The following KLHL1 variants were observed in gnomAD, a reference collection of about 807,000 sequenced individuals.
KLHL1 encodes the protein kelch like family member 1.
A neutral mutation model predicts 77.7 loss-of-function variants in KLHL1; 47 were observed. The ratio of observed to expected loss-of-function variants is 0.60; its 90% confidence interval spans 0.48 to 0.77. The LOEUF (loss-of-function observed/expected upper bound fraction) is 0.77. KLHL1 is among the 30% of genes least tolerant of loss of function. The pLI, the probability that KLHL1 is intolerant of heterozygous loss-of-function variation, is 0.00. For missense variants in KLHL1, 925 were observed against 910.8 expected (o/e 1.02, Z -0.20); for synonymous variants, 360 against 325.2 (o/e 1.11, Z -1.15).
At chr13:70,023,115 T>A (rs1885845199) in intron 1 of KLHL1, among the ~76,000 whole-genome samples, 1 of 151,960 alleles carries the variant, frequency 6.6e-6, no homozygotes, top group African/African-American at 2.4e-5. Flanking sequence ...TACCTTTCTT[T>A]ATGCTTTTCT....
chr13:69,701,705 A>T lies in KLHL1; in HGVS notation c.2244T>A (p.Pro748=). The T allele has an allele frequency of 6.2e-7, 1 of 1,605,858 alleles. No individual in the cohort carries two copies. Among genetic ancestry groups the T allele is most frequent in the Non-Finnish European group, 8.5e-7 (1 of 1,174,502 alleles). The change falls in exon 11 of 11, where the codon CCT becomes CCA. Residue 748 remains proline, a synonymous_variant. Transcript: ENST00000377844. The part of the protein sequence containing the change: ...AGACVVVIKQ[P] ...TTCCAAGTAAAATATCAATAAGTCA[A>T]GGTTGCTTGATGACTACCACACAGG... is the stretch of plus-strand genomic sequence containing the variant.
At chr13:70,016,321 G>T (rs1885656606) in intron 1 of KLHL1, among the ~76,000 whole-genome samples, 2 of 152,164 alleles carry the variant, frequency 1.3e-5, no homozygotes, top group African/African-American at 4.8e-5. Context: ...GAGTTAAAAG[G>T]GTGGGAATCC....
At chr13:70,031,507 A>AT (rs1886099506) in intron 1 of KLHL1, among the ~76,000 whole-genome samples, 1 of 152,148 alleles carries the variant, frequency 6.6e-6, no homozygotes, top group East Asian at 1.9e-4. Context: ...AGAGAAAAAT[A>AT]TTTTTTCTTC....
intron 1 of KLHL1, among the ~76,000 whole-genome samples, chr13:69,979,645 T>G (rs10507776): frequency 0.15 from 23,094 of 152,096 alleles, 3,737 homozygotes; most frequent in African/African-American, 0.41. Flanking sequence ...TTACAGTTTC[T>G]TTCCAATCGA....
intron 7 of KLHL1, among the ~76,000 whole-genome samples, chr13:69,780,749 T>TATATATATACATATATATATACAC (rs1566244195): frequency 2.9e-4 from 35 of 121,208 alleles, no homozygotes; most frequent in African/African-American, 1.1e-3. Context: ...TATATACATA[T>TATATATATACATATATATATACAC]ATATATATAC....
chr13:69,875,048 G>A (rs902495972), intron 5 of KLHL1, among the ~76,000 whole-genome samples: 2 of 151,952 alleles, frequency 1.3e-5, no homozygotes, highest in Admixed American at 1.3e-4. Context: ...TAGTGTCCTG[G>A]GGCACTGTAA....
chr13:69,999,647 AGACT>A (rs975725895), intron 1 of KLHL1, among the ~76,000 whole-genome samples: 1 of 152,032 alleles, frequency 6.6e-6, no homozygotes, highest in African/African-American at 2.4e-5. Context: ...GGAAACCAGG[AGACT>A]GACTGGGATG....
intron 9 of KLHL1, among the ~76,000 whole-genome samples, chr13:69,708,882 C>T (rs1875752168): frequency 6.6e-6 from 1 of 151,966 alleles, no homozygotes; most frequent in South Asian, 2.1e-4. Flanking sequence ...TGTTTTCCTG[C>T]TCCAATTTTT....
intron 1 of KLHL1, among the ~76,000 whole-genome samples, chr13:70,084,476 T>TTTTTTTTTTTTTTTA: frequency 6.8e-6 from 1 of 146,936 alleles, no homozygotes; most frequent in Non-Finnish European, 1.5e-5. Flanking sequence ...TTTTTTTTTT[T>TTTTTTTTTTTTTTTA]TGAGACGGAG....
rs1402050347 is a variant in KLHL1, at chr13:69,788,113, G to C, written c.1639+8625C>G. Among the ~76,000 whole-genome samples, 10 of 152,328 alleles carry C rather than the reference G, an allele frequency of 6.6e-5. No individual in the cohort carries two copies. The South Asian group carries it at 2.1e-3, about 32-fold the overall frequency. Reference sequence around the variant, plus strand: ...TGGAAGACAGTGTGGCGATTCCTCAGGGATCTAGAACTAGAAATACCATTT... The same window carrying C: ...TGGAAGACAGTGTGGCGATTCCTCACGGATCTAGAACTAGAAATACCATTT... On this transcript the variant is annotated intron_variant, in intron 7 of 10. Transcript: ENST00000377844.
At chr13:69,892,594 C>T (rs575117030) in intron 4 of KLHL1, among the ~76,000 whole-genome samples, 2 of 151,236 alleles carry the variant, frequency 1.3e-5, no homozygotes, top group South Asian at 4.2e-4. Flanking sequence ...AAGTTTATAC[C>T]CTAACTTCTC....
intron 7 of KLHL1, among the ~76,000 whole-genome samples, chr13:69,779,765 C>G (rs755959049): frequency 1.9e-4 from 29 of 151,742 alleles, no homozygotes; most frequent in Non-Finnish European, 3.7e-4. Context: ...GCTCCAAAAA[C>G]TTGTTTTATT....
At chr13:69,815,043 A>G (rs1171547669) in intron 6 of KLHL1, among the ~76,000 whole-genome samples, 1 of 152,044 alleles carries the variant, frequency 6.6e-6, no homozygotes, top group East Asian at 1.9e-4. Context: ...AAAATAAAAT[A>G]GTCAAAAAAT....
At chr13:69,766,036 C>T (rs1192906388) in intron 7 of KLHL1, among the ~76,000 whole-genome samples, 2 of 152,212 alleles carry the variant, frequency 1.3e-5, no homozygotes, top group African/African-American at 4.8e-5. Context: ...CCGAAATCTT[C>T]AGCAATCTCT....
At chr13:70,041,217 C>T (rs1266509751) in intron 1 of KLHL1, among the ~76,000 whole-genome samples, 1 of 152,128 alleles carries the variant, frequency 6.6e-6, no homozygotes, top group Non-Finnish European at 1.5e-5. Context: ...ATAACTCTAA[C>T]ACTTGTGTCA....
chr13:69,772,290 CTCT>C (rs1420547373), intron 7 of KLHL1, among the ~76,000 whole-genome samples: 1 of 151,768 alleles, frequency 6.6e-6, no homozygotes, highest in African/African-American at 2.4e-5. Flanking sequence ...ATAGTATTTT[CTCT>C]TCTTCAAATA....
At chr13:69,883,899 T>A (rs1881098230) in intron 4 of KLHL1, among the ~76,000 whole-genome samples, 1 of 152,168 alleles carries the variant, frequency 6.6e-6, no homozygotes, top group Admixed American at 6.5e-5. Flanking sequence ...CTGGGACAGC[T>A]CCAAGACATA....
At chr13:69,962,857 T>G (rs1374381741) in intron 2 of KLHL1, among the ~76,000 whole-genome samples, 1 of 152,126 alleles carries the variant, frequency 6.6e-6, no homozygotes, top group African/African-American at 2.4e-5. Context: ...AGCAATTACT[T>G]TTTTCTTTAA....
At chr13:69,945,725 A>G (rs1053545030) in intron 3 of KLHL1, among the ~76,000 whole-genome samples, 13 of 152,168 alleles carry the variant, frequency 8.5e-5, no homozygotes, top group Admixed American at 2.6e-4. Context: ...CAACACCTCT[A>G]TTAGAACTGC....
Sources: allele counts gnomAD v4.1 joint callset (sites outside exome capture counted in the v4.1 genomes callset), GRCh38; gene constraint gnomAD v4.1.1; transcripts MANE v1.5; gene names NCBI Gene and HGNC (gene_info 2026-07-23, HGNC 2026-07-21).